Variants in PRELID1 observed in about 807,000 individuals in gnomAD.
PRELID1 encodes PRELI domain containing 1.
In PRELID1, 15 loss-of-function variants were observed where a neutral mutation model predicts 29.0. That is an observed-to-expected ratio of 0.52 (90% CI 0.35 to 0.80). The LOEUF (loss-of-function observed/expected upper bound fraction) is 0.80. PRELID1 is among the 30% of genes least tolerant of loss of function. The pLI, the probability that PRELID1 is intolerant of heterozygous loss-of-function variation, is 0.01. For synonymous variants in PRELID1, 79 were observed against 106.5 expected (o/e 0.74, Z 1.59); for missense variants, 187 against 275.9 (o/e 0.68, Z 2.28).
rs181951980 is a variant in PRELID1 at position 177,305,335 on chromosome 5, G to A, written c.318+485G>A. On this transcript the variant is annotated intron_variant, in intron 2 of 4. Transcript: ENST00000303204. ...AATTCTCGTGCCTCAGCCTTCTGAA[G>A]AGGTGGATTTCTAAGCACACACCAC... Among the ~76,000 whole-genome samples, 132 of 152,186 alleles carry A rather than the reference G, an allele frequency of 8.7e-4. 1 individual carries two copies. The South Asian group carries it at 0.013, about 15-fold the overall frequency.
intron 1 of PRELID1, chr5:177,304,283 C>A (rs577049094): frequency 8.2e-6 from 5 of 608,384 alleles, no homozygotes; most frequent in African/African-American, 7.4e-5. Context: ...GTGTAAGATT[C>A]TTTTCTCAGT....
chr5:177,306,223 C>T, intron 4 of PRELID1, 47 bp downstream of exon 4: 1 of 1,589,228 alleles, frequency 6.3e-7, no homozygotes, highest in Non-Finnish European at 8.6e-7. Context: ...GAGGCTCATT[C>T]AGCCTAGCGG....
intron 4 of PRELID1, 62 bp from the exon 5 acceptor site, chr5:177,306,360 G>A (rs1208340016): frequency 6.2e-7 from 1 of 1,610,184 alleles, no homozygotes; most frequent in East Asian, 2.2e-5. Flanking sequence ...TGTCATGGGG[G>A]AGGGAAATTA....
chr5:177,306,788 C>T lies in PRELID1; in HGVS notation c.*218C>T. ...CATTGGGCAGCTGAGGACCGAGGCACAGAGGTGCGGTGACTTGCCCGGGGC... is the reference window on the plus strand; with the variant it reads ...CATTGGGCAGCTGAGGACCGAGGCATAGAGGTGCGGTGACTTGCCCGGGGC... On this transcript the variant is annotated 3_prime_UTR_variant, in exon 5 of 5. Coordinates refer to ENST00000303204, the MANE Select transcript of PRELID1 (RefSeq NM_013237.4). 1 of 871,844 alleles carries T rather than the reference C, an allele frequency of 1.1e-6. No individual in the cohort carries two copies. Among genetic ancestry groups the T allele is most frequent in the Non-Finnish European group, 1.7e-6 (1 of 583,482 alleles). 54.0% of individuals were successfully genotyped at this position (871,844 alleles called of 1,614,324 possible).
At chr5:177,306,227 C>A in intron 4 of PRELID1, 51 bp downstream of exon 4, 1 of 1,588,248 alleles carries the variant, frequency 6.3e-7, no homozygotes, top group Non-Finnish European at 8.6e-7. Flanking sequence ...CTCATTCAGC[C>A]TAGCGGGCGT....
intron 4 of PRELID1, 120 bp from the exon 5 acceptor site, chr5:177,306,302 G>A (rs542467772): frequency 3.8e-6 from 6 of 1,567,838 alleles, no homozygotes; most frequent in Non-Finnish European, 5.3e-6. Context: ...GGGGTGGGAG[G>A]AGGGTGAATA....
At chr5:177,306,287 T>A in intron 4 of PRELID1, 111 bp downstream of exon 4, 3 of 1,562,408 alleles carry the variant, frequency 1.9e-6, no homozygotes, top group Non-Finnish European at 2.6e-6. Flanking sequence ...TCCTTGTCTG[T>A]ACTGGGGGTG....
At chr5:177,306,209 G>T in intron 4 of PRELID1, 33 bp downstream of exon 4, 1 of 1,594,472 alleles carries the variant, frequency 6.3e-7, no homozygotes, top group South Asian at 1.1e-5. Context: ...ATTCCTCATA[G>T]GGAGAGGCTC....
chr5:177,304,422 G>A, intron 1 of PRELID1: 1 of 675,972 alleles, frequency 1.5e-6, no homozygotes. Flanking sequence ...CTAGAAGGCA[G>A]GAATCCAGGT....
At chr5:177,304,495 A>G (rs1365645018) in intron 1 of PRELID1, 130 bp from the exon 2 acceptor site, 5 of 810,594 alleles carry the variant, frequency 6.2e-6, no homozygotes, top group African/African-American at 5.1e-5. Context: ...TTTGAACCAT[A>G]GCACATACCA....
At chr5:177,305,491 GC>G (rs1014774999) in intron 2 of PRELID1, 18 of 257,456 alleles carry the variant, frequency 7.0e-5, no homozygotes, top group Non-Finnish European at 1.2e-4. Flanking sequence ...ACAGGCGTGA[GC>G]CACCGCGCCG....
intron 2 of PRELID1, chr5:177,305,594 C>T: frequency 2.2e-6 from 1 of 451,288 alleles, no homozygotes; most frequent in Admixed American, 3.7e-5. Context: ...ATGCACAAAA[C>T]AAAATCCAGG....
At chr5:177,305,212 CTGT>C (rs2127298885) in intron 2 of PRELID1, among the ~76,000 whole-genome samples, 1 of 145,070 alleles carries the variant, frequency 6.9e-6, no homozygotes, top group Non-Finnish European at 1.5e-5. Context: ...TTTTTTTTTT[CTGT>C]TTTTTGTTTT....
At chr5:177,305,694 C>G (rs1212984501) in intron 2 of PRELID1, 177 bp from the exon 3 acceptor site, 5 of 616,440 alleles carry the variant, frequency 8.1e-6, no homozygotes, top group Non-Finnish European at 1.4e-5. Context: ...TTTTCGAGAG[C>G]AAAACGACCT....
chr5:177,305,820 A>C (rs1760855019), intron 2 of PRELID1, 51 bp from the exon 3 acceptor site: 1 of 1,503,056 alleles, frequency 6.7e-7, no homozygotes, highest in Non-Finnish European at 9.2e-7. Flanking sequence ...ATTTATGTGC[A>C]AGTTGGCAAA....
At chr5:177,304,873 T>G in intron 2 of PRELID1, 23 bp downstream of exon 2, 1 of 1,565,380 alleles carries the variant, frequency 6.4e-7, no homozygotes, top group Non-Finnish European at 8.7e-7. Flanking sequence ...CTGTTGTGAT[T>G]CTGCACCTCC....
rs761272823 is a variant in PRELID1 at position 177,306,186 on chromosome 5, TG to T, written c.511+13del. ...TTGGCTAAGCTGCAAGGTGAGTTTC[TG>T]GGTATGTGGATATTCCTCATAGGGA... is the stretch of plus-strand genomic sequence containing the variant. On this transcript the variant is annotated intron_variant, in intron 4 of 4. Transcript: ENST00000303204. 7 of 1,610,012 alleles carry T rather than the reference TG, an allele frequency of 4.3e-6. No homozygotes were observed. Among genetic ancestry groups the T allele is most frequent in the East Asian group, 4.5e-5 (2 of 44,874 alleles).
In PRELID1 at chr5:177,306,680, G is replaced by A. The variant is rs187250820; in HGVS notation, c.*110G>A. 240 of 1,442,546 alleles carry A rather than the reference G, an allele frequency of 1.7e-4. 2 individuals carry two copies. The African/African-American group carries it at 3.0e-3, about 18-fold the overall frequency. The allele number at this position is 1,442,546 out of a possible 1,614,324, so 89.4% of individuals were successfully genotyped here. On this transcript the variant is annotated 3_prime_UTR_variant, in exon 5 of 5. Coordinates refer to ENST00000303204, the MANE Select transcript of PRELID1 (RefSeq NM_013237.4). ...ACTTCCAGCCCTGTCTGCTGTCTACGTGGTGGGTTGTGGGGATGCAGTTTG... is the reference window on the plus strand; with the variant it reads ...ACTTCCAGCCCTGTCTGCTGTCTACATGGTGGGTTGTGGGGATGCAGTTTG...
Position 177,306,819 on chromosome 5 carries a change from G to T in PRELID1, c.*249G>T. ...TGCGGTGACTTGCCCGGGGCTCCAG[G>T]TAGCCTGCAGGTTAACTGGCGGTAA... On this transcript the variant is annotated 3_prime_UTR_variant, in exon 5 of 5. Transcript: ENST00000303204. 1 of 752,912 alleles carries T rather than the reference G, an allele frequency of 1.3e-6. No individual in the cohort carries two copies. Among genetic ancestry groups the T allele is most frequent in the Non-Finnish European group, 2.1e-6 (1 of 477,234 alleles). The allele number at this position is 752,912 out of a possible 1,614,324, so 46.6% of individuals were successfully genotyped here.
Sources: gnomAD v4.1 joint callset for allele counts (sites outside exome capture counted in the v4.1 genomes callset) on GRCh38, gnomAD v4.1.1 for gene constraint, MANE v1.5 for transcripts, NCBI Gene and HGNC (gene_info 2026-07-23, HGNC 2026-07-21) for gene names.